The following PTK2B variants were observed in gnomAD, a reference collection of about 807,000 sequenced individuals.
The protein encoded by PTK2B is protein tyrosine kinase 2 beta.
A neutral mutation model predicts 142.9 loss-of-function variants in PTK2B; 71 were observed. That is an observed-to-expected ratio of 0.50 (90% CI 0.41 to 0.61). The LOEUF is 0.61. Among genes scored for constraint, PTK2B ranks in the 20% least tolerant of loss-of-function variants. The pLI is 0.00. For synonymous variants in PTK2B, 519 were observed against 503.4 expected, an observed-to-expected ratio of 1.03 and a Z score of -0.42; for missense variants, 1,105 against 1,320.4, an observed-to-expected ratio of 0.84 and a Z score of 2.53.
rs748828241 is a variant in PTK2B, at chr8:27,433,383, G to A, written c.988-52G>A. 5.3e-6 allele frequency: 8 copies of A among 1,496,200 alleles called. 1 individual carries two copies. The South Asian group carries it at 8.0e-5, about 15-fold the overall frequency. 92.7% of individuals were successfully genotyped at this position (1,496,200 alleles called of 1,614,324 possible). A position where few individuals can be genotyped will look rare whatever the true frequency, so the allele number is the denominator to read the frequency against. On this transcript the variant is annotated intron_variant, in intron 10 of 30. Coordinates refer to ENST00000346049, the MANE Select transcript of PTK2B (RefSeq NM_173176.3). The stretch of plus-strand genomic sequence containing the variant: ...CATCTCTTCTCCAGCCCTGGGGGTG[G>A]TCTCTAGCCAAGGCTCTGGGGTCTC...
intron 1 of PTK2B, among the ~76,000 whole-genome samples, chr8:27,349,597 C>G (rs933956927): frequency 2.6e-5 from 4 of 152,222 alleles, no homozygotes; most frequent in Non-Finnish European, 4.4e-5. Context: ...CCCCGAGATT[C>G]CTTTCATTCC....
At chr8:27,342,764 A>G (rs1804483433) in intron 1 of PTK2B, among the ~76,000 whole-genome samples, 1 of 152,104 alleles carries the variant, frequency 6.6e-6, no homozygotes, top group African/African-American at 2.4e-5. Context: ...CATTCATTGG[A>G]CATGTGCCTT....
intron 1 of PTK2B, among the ~76,000 whole-genome samples, chr8:27,350,840 G>A (rs920433685): frequency 6.0e-5 from 9 of 150,204 alleles, no homozygotes; most frequent in African/African-American, 2.2e-4. Context: ...TAGGGTGTTG[G>A]TGGCACATGC....
intron 24 of PTK2B, 130 bp downstream of exon 24, chr8:27,446,049 C>G: frequency 6.6e-6 from 9 of 1,362,730 alleles, no homozygotes; most frequent in Non-Finnish European, 9.0e-6. Context: ...CCAGTCAGGC[C>G]ACTGAGGTGG....
chr8:27,417,326 C>T (rs1809460872), intron 2 of PTK2B, among the ~76,000 whole-genome samples: 1 of 152,066 alleles, frequency 6.6e-6, no homozygotes, highest in Admixed American at 6.5e-5. Context: ...TGAAAAAAGA[C>T]ACCAAAAAAG....
At chr8:27,431,368 G>T (rs1563280976) in intron 8 of PTK2B, 30 bp from the exon 9 acceptor site, 8 of 1,614,144 alleles carry the variant, frequency 5.0e-6, no homozygotes, top group South Asian at 1.1e-5. Context: ...GACAGCTCTG[G>T]AACAACAGTC....
At chr8:27,376,414 G>A (rs538147973) in intron 1 of PTK2B, among the ~76,000 whole-genome samples, 2 of 152,344 alleles carry the variant, frequency 1.3e-5, no homozygotes, top group South Asian at 2.1e-4. Flanking sequence ...GGACTGGAAT[G>A]ATCTTGAACC....
chr8:27,426,857 A>G lies in PTK2B; in HGVS notation c.552-3236A>G, dbSNP rs56163557. 7.7e-3 allele frequency among the ~76,000 whole-genome samples: 1,175 copies of G among 152,302 alleles called. 11 individuals are homozygous for G. Among genetic ancestry groups the G allele is most frequent in the Middle Eastern group, 0.024 (7 of 294 alleles). On this transcript the variant is annotated intron_variant, in intron 5 of 30. Transcript: ENST00000346049. ...TCATGCTAAAATGCTCTTATTTTTT[A>G]TGTGACTTAATTGTTCAGTGTTAAT...
At chr8:27,454,995 C>A (rs1307921011) in intron 30 of PTK2B, among the ~76,000 whole-genome samples, 4 of 152,038 alleles carry the variant, frequency 2.6e-5, no homozygotes, top group African/African-American at 4.8e-5. Flanking sequence ...ATCTGATTTT[C>A]TTTATTTAAA....
intron 4 of PTK2B, 81 bp from the exon 5 acceptor site, chr8:27,422,223 G>A (rs1253921476): frequency 5.2e-6 from 7 of 1,347,982 alleles, no homozygotes; most frequent in Middle Eastern, 1.9e-4. Context: ...GCAGAATGAG[G>A]CCCTTAATCT....
In PTK2B at chr8:27,422,286, G is replaced by A. The variant is rs1368380315; in HGVS notation, c.472-18G>A. The A allele has an allele frequency of 2.5e-6, 4 of 1,610,894 alleles. No homozygotes were observed. Among genetic ancestry groups the A allele is most frequent in the Non-Finnish European group, 3.4e-6 (4 of 1,178,218 alleles). On this transcript the variant is annotated intron_variant, in intron 4 of 30. Transcript: ENST00000346049. ...AGGTGAGGGTGCAAGCCTGATGCTT[G>A]ACCTTTCTCCCCACCAGCTCCGGAA...
intron 30 of PTK2B, 32 bp downstream of exon 30, chr8:27,454,643 C>A: frequency 6.2e-7 from 1 of 1,605,588 alleles, no homozygotes; most frequent in East Asian, 2.2e-5. Context: ...GCACCATAGG[C>A]TGTTGCTTTG....
At chr8:27,444,375 A>T (rs1313690125) in intron 23 of PTK2B, 104 bp downstream of exon 23, 1 of 1,312,612 alleles carries the variant, frequency 7.6e-7, no homozygotes, top group Non-Finnish European at 1.1e-6. Context: ...CACTTGGGTG[A>T]TGGAGATGGC....
At chr8:27,345,841 A>T (rs1004748006) in intron 1 of PTK2B, among the ~76,000 whole-genome samples, 1 of 152,140 alleles carries the variant, frequency 6.6e-6, no homozygotes, top group South Asian at 2.1e-4. Context: ...GCTGCCATGG[A>T]GGAAACCAGG....
At chr8:27,362,025 T>C (rs1213036712) in intron 1 of PTK2B, among the ~76,000 whole-genome samples, 3 of 152,252 alleles carry the variant, frequency 2.0e-5, no homozygotes, top group South Asian at 4.1e-4. Flanking sequence ...CTAACCAACC[T>C]GACTGGGTCT....
At chr8:27,402,511 G>A (rs1427737617) in intron 2 of PTK2B, among the ~76,000 whole-genome samples, 1 of 152,200 alleles carries the variant, frequency 6.6e-6, no homozygotes, top group African/African-American at 2.4e-5. Flanking sequence ...GCATGGCTGT[G>A]AATGAGATCA....
At chr8:27,432,581 G>A (rs551204665) in intron 10 of PTK2B, among the ~76,000 whole-genome samples, 73 of 152,250 alleles carry the variant, frequency 4.8e-4, no homozygotes, top group African/African-American at 1.6e-3. Flanking sequence ...TTAATGTCAG[G>A]AGAAGAAATT....
intron 2 of PTK2B, among the ~76,000 whole-genome samples, chr8:27,405,996 C>A (rs986930668): frequency 2.6e-5 from 4 of 152,216 alleles, no homozygotes; most frequent in African/African-American, 9.7e-5. Flanking sequence ...AGAAATGATT[C>A]TCTCACATTT....
chr8:27,319,884 A>G (rs374990099), intron 3 of PTK2B, among the ~76,000 whole-genome samples: 7 of 152,266 alleles, frequency 4.6e-5, no homozygotes, highest in African/African-American at 1.7e-4. Context: ...AAAACGCTGC[A>G]TATTTCTCTG....
Sources: allele counts gnomAD v4.1 joint callset (sites outside exome capture counted in the v4.1 genomes callset), GRCh38; gene constraint gnomAD v4.1.1; transcripts MANE v1.5; gene names NCBI Gene and HGNC (gene_info 2026-07-23, HGNC 2026-07-21).